Variants in PTPRD observed in about 807,000 individuals in gnomAD.
PTPRD encodes the protein protein tyrosine phosphatase receptor type D, also known as receptor-type tyrosine-protein phosphatase delta.
PTPRD carries 34 observed loss-of-function variants against 214.5 expected under a neutral mutation model. The ratio of observed to expected loss-of-function variants is 0.16; its 90% CI spans 0.12 to 0.21. PTPRD has a LOEUF of 0.21. Among genes scored for constraint, PTPRD ranks in the 10% least tolerant of loss-of-function variants. The pLI is 1.00. For synonymous variants in PTPRD, 1,128 were observed against 845.7 expected (o/e 1.33, Z -5.79); for missense variants, 2,545 against 2,398.7 (o/e 1.06, Z -1.27).
At chr9:9,832,283 G>A (rs2055134361) in intron 5 of PTPRD, among the ~76,000 whole-genome samples, 2 of 151,874 alleles carry the variant, frequency 1.3e-5, no homozygotes, top group East Asian at 3.9e-4. Flanking sequence ...AAGCAAAGTA[G>A]ACAATGCATA....
At chr9:9,616,692 C>G (rs762079532) in intron 7 of PTPRD, among the ~76,000 whole-genome samples, 1 of 152,056 alleles carries the variant, frequency 6.6e-6, no homozygotes, top group Non-Finnish European at 1.5e-5. Context: ...CAGATAGAAA[C>G]TGGACCTTTT....
intron 10 of PTPRD, among the ~76,000 whole-genome samples, chr9:9,042,606 T>TTTTTC (rs2099643498): frequency 1.2e-5 from 1 of 81,110 alleles, no homozygotes; most frequent in African/African-American, 4.4e-5. Flanking sequence ...GCATTTTTTC[T>TTTTTC]TTTTTTTCTT....
intron 2 of PTPRD, among the ~76,000 whole-genome samples, chr9:10,457,649 C>A (rs1700661215): frequency 6.6e-6 from 1 of 151,942 alleles, no homozygotes; most frequent in Non-Finnish European, 1.5e-5. Flanking sequence ...TTACTTGTAG[C>A]AGAAACTTTC....
chr9:10,516,601 C>T (rs2050196654), intron 2 of PTPRD, among the ~76,000 whole-genome samples: 1 of 151,846 alleles, frequency 6.6e-6, no homozygotes, highest in African/African-American at 2.4e-5. Context: ...TTTATTTTCT[C>T]TTAATTTGCC....
At chr9:9,370,539 C>G in intron 9 of PTPRD, among the ~76,000 whole-genome samples, 1 of 151,714 alleles carries the variant, frequency 6.6e-6, no homozygotes, top group East Asian at 1.9e-4. Flanking sequence ...TCTAGATATA[C>G]AATCATGTCA....
At chr9:9,038,101 T>A (rs1433833403) in intron 10 of PTPRD, among the ~76,000 whole-genome samples, 1 of 152,214 alleles carries the variant, frequency 6.6e-6, no homozygotes, top group African/African-American at 2.4e-5. Context: ...TCTACATTCC[T>A]ACTCTCTCTT....
intron 8 of PTPRD, among the ~76,000 whole-genome samples, chr9:9,426,382 GC>G (rs1413613132): frequency 6.6e-6 from 1 of 152,214 alleles, no homozygotes; most frequent in Non-Finnish European, 1.5e-5. Context: ...CATTGCTGAG[GC>G]TTGAGTAGGT....
intron 2 of PTPRD, among the ~76,000 whole-genome samples, chr9:10,422,194 A>G (rs900353057): frequency 6.6e-6 from 1 of 152,060 alleles, no homozygotes; most frequent in African/African-American, 2.4e-5. Flanking sequence ...AACCTGACAA[A>G]AACAAGAAAT....
At chr9:9,559,198 C>T (rs970156943) in intron 8 of PTPRD, among the ~76,000 whole-genome samples, 1 of 152,116 alleles carries the variant, frequency 6.6e-6, no homozygotes, top group African/African-American at 2.4e-5. Context: ...CACACCCATC[C>T]CGCTATAGGG....
chr9:9,367,357 T>C (rs1020919462), intron 9 of PTPRD, among the ~76,000 whole-genome samples: 3 of 151,614 alleles, frequency 2.0e-5, no homozygotes, highest in East Asian at 3.9e-4. Context: ...AAAATATACA[T>C]ATTTTGAAAA....
At chr9:8,985,155 G>T (rs776545014) in intron 11 of PTPRD, among the ~76,000 whole-genome samples, 27 of 152,004 alleles carry the variant, frequency 1.8e-4, no homozygotes, top group Admixed American at 3.3e-4. Flanking sequence ...TAAAAATTTA[G>T]ATTTGAAATA....
At chr9:8,565,450 A>T (rs531002131) in intron 14 of PTPRD, among the ~76,000 whole-genome samples, 131 of 152,346 alleles carry the variant, frequency 8.6e-4, no homozygotes, top group African/African-American at 2.9e-3. Context: ...ACATTGCATT[A>T]GACTCGAATT....
intron 35 of PTPRD, among the ~76,000 whole-genome samples, chr9:8,409,653 G>C (rs189647700): frequency 1.3e-5 from 2 of 152,178 alleles, no homozygotes; most frequent in East Asian, 3.9e-4. Context: ...TTACCCAGAA[G>C]AAAAATATAA....
intron 39 of PTPRD, among the ~76,000 whole-genome samples, chr9:8,365,204 C>T (rs890870125): frequency 2.0e-5 from 3 of 152,042 alleles, no homozygotes; most frequent in African/African-American, 4.8e-5. Flanking sequence ...GGAAATGTCC[C>T]TTCCACGGCT....
At chr9:9,839,532 A>G (rs1244942541) in intron 5 of PTPRD, among the ~76,000 whole-genome samples, 1 of 152,004 alleles carries the variant, frequency 6.6e-6, no homozygotes, top group Non-Finnish European at 1.5e-5. Flanking sequence ...ACTACAAACC[A>G]CTGCTCAATG....
At chr9:10,143,178 G>A (rs1298341637) in intron 3 of PTPRD, among the ~76,000 whole-genome samples, 1 of 152,048 alleles carries the variant, frequency 6.6e-6, no homozygotes, top group Non-Finnish European at 1.5e-5. Context: ...AATGCTAGAT[G>A]ACGAGTTAGT....
At chr9:9,647,782 T>C (rs553848569) in intron 7 of PTPRD, among the ~76,000 whole-genome samples, 1 of 152,284 alleles carries the variant, frequency 6.6e-6, no homozygotes, top group South Asian at 2.1e-4. Flanking sequence ...TCTTCACACC[T>C]TGGGTATGCC....
intron 7 of PTPRD, among the ~76,000 whole-genome samples, chr9:9,645,217 G>A (rs577152625): frequency 6.6e-6 from 1 of 152,190 alleles, no homozygotes; most frequent in Non-Finnish European, 1.5e-5. Context: ...AGCGGGTCAA[G>A]GGAGCCTTGT....
chr9:10,103,377 T>TTATACATATATATATATATATATATA (rs2098584579), intron 3 of PTPRD, among the ~76,000 whole-genome samples: 1 of 72,424 alleles, frequency 1.4e-5, no homozygotes, highest in East Asian at 5.6e-4. Context: ...AAACTGCATA[T>TTATACATATATATATATATATATATA]TATATATATA....
Sources: allele counts gnomAD v4.1 joint callset (sites outside exome capture counted in the v4.1 genomes callset), GRCh38; gene constraint gnomAD v4.1.1; transcripts MANE v1.5; gene names NCBI Gene and HGNC (gene_info 2026-07-23, HGNC 2026-07-21).